WDPCP: variants seen among roughly 807,000 people sequenced by gnomAD.
WDPCP encodes WD repeat-containing and planar cell polarity effector protein fritz homolog.
WDPCP carries 71 observed loss-of-function variants against 93.1 expected under a neutral mutation model. The ratio of observed to expected loss-of-function variants is 0.76; its 90% CI spans 0.63 to 0.93. WDPCP has a LOEUF of 0.93. WDPCP is among the 40% of genes least tolerant of loss of function. WDPCP has a pLI of 0.00. For missense variants in WDPCP, 844 were observed against 887.4 expected, an observed-to-expected ratio of 0.95 and a Z score of 0.62; for synonymous variants, 315 against 315.0, an observed-to-expected ratio of 1.00 and a Z score of 0.00.
chr2:63,721,594 T>C (rs1320798854), intron 2 of WDPCP, among the ~76,000 whole-genome samples: 3 of 152,206 alleles, frequency 2.0e-5, no homozygotes, highest in Non-Finnish European at 4.4e-5. Flanking sequence ...TTCTCCTGGC[T>C]CCAGCTATAA....
intron 10 of WDPCP, among the ~76,000 whole-genome samples, chr2:63,394,683 T>C (rs928284921): frequency 2.6e-5 from 4 of 152,096 alleles, no homozygotes; most frequent in African/African-American, 9.7e-5. Flanking sequence ...GTGGTACATA[T>C]ACACCATGGA....
At chr2:63,177,803 A>G (rs1673932547) in intron 14 of WDPCP, among the ~76,000 whole-genome samples, 1 of 152,152 alleles carries the variant, frequency 6.6e-6, no homozygotes, top group Admixed American at 6.6e-5. Flanking sequence ...TCCTGATCCT[A>G]GAGAAAGGGC....
At chr2:63,359,490 T>C (rs910692058) in intron 12 of WDPCP, among the ~76,000 whole-genome samples, 1 of 152,142 alleles carries the variant, frequency 6.6e-6, no homozygotes, top group African/African-American at 2.4e-5. Flanking sequence ...TCTATTATAA[T>C]AGCTAAAATA....
chr2:63,236,006 A>G (rs1382765210), intron 14 of WDPCP, among the ~76,000 whole-genome samples: 2 of 152,208 alleles, frequency 1.3e-5, no homozygotes, highest in East Asian at 1.9e-4. Flanking sequence ...AGGAGAAGAG[A>G]AAGAAATCAA....
chr2:63,446,687 C>G (rs543319219), intron 6 of WDPCP, among the ~76,000 whole-genome samples: 1 of 152,256 alleles, frequency 6.6e-6, no homozygotes, highest in African/African-American at 2.4e-5. Flanking sequence ...GGAAACCCAC[C>G]CTGTGTGTCT....
intron 2 of WDPCP, among the ~76,000 whole-genome samples, chr2:63,746,369 T>C (rs1669797739): frequency 6.6e-6 from 1 of 152,162 alleles, no homozygotes; most frequent in African/African-American, 2.4e-5. Context: ...AAATTGTTTG[T>C]AGACCATGTG....
chr2:63,168,216 T>C (rs1673131270), intron 15 of WDPCP, among the ~76,000 whole-genome samples: 1 of 152,110 alleles, frequency 6.6e-6, no homozygotes, highest in Admixed American at 6.5e-5. Flanking sequence ...AGGTGACTTC[T>C]ATATTATTTG....
At chr2:63,588,892 T>G (rs745712888), upstream of WDPCP, 532 of 995,490 alleles carry the variant, frequency 5.3e-4, 4 homozygotes, top group Non-Finnish European at 4.7e-4. Context: ...CAGGGCAGCG[T>G]AAACTACAGT....
chr2:63,762,839 G>C (rs368472488), intron 2 of WDPCP, among the ~76,000 whole-genome samples: 1 of 152,024 alleles, frequency 6.6e-6, no homozygotes, highest in South Asian at 2.1e-4. Flanking sequence ...GCCACATTGC[G>C]GATTAAGTTT....
At chr2:63,268,793 A>G (rs1682376923) in intron 13 of WDPCP, among the ~76,000 whole-genome samples, 1 of 152,100 alleles carries the variant, frequency 6.6e-6, no homozygotes, top group South Asian at 2.1e-4. Flanking sequence ...TTCAAAAAAG[A>G]TTTTTAATGT....
At chr2:63,561,278 A>G (rs1706594884) in intron 1 of WDPCP, among the ~76,000 whole-genome samples, 1 of 152,116 alleles carries the variant, frequency 6.6e-6, no homozygotes, top group African/African-American at 2.4e-5. Context: ...GGAGATTGAG[A>G]CCATCCTGGC....
chr2:63,283,571 A>T (rs1683737721), intron 13 of WDPCP, among the ~76,000 whole-genome samples: 1 of 152,050 alleles, frequency 6.6e-6, no homozygotes, highest in South Asian at 2.1e-4. Context: ...GTTGTGACAG[A>T]GACTGTGGCC....
chr2:63,473,285 G>T (rs192182854), intron 6 of WDPCP, among the ~76,000 whole-genome samples: 12 of 152,250 alleles, frequency 7.9e-5, no homozygotes, highest in Admixed American at 6.5e-4. Flanking sequence ...CTGGAGCAGG[G>T]AAAGAGTTGG....
chr2:63,612,524 G>A (rs1242001031), intron 3 of WDPCP, among the ~76,000 whole-genome samples: 1 of 152,160 alleles, frequency 6.6e-6, no homozygotes, highest in African/African-American at 2.4e-5. Context: ...CTCTCCTAGG[G>A]AAGTTTCATG....
intron 1 of WDPCP, among the ~76,000 whole-genome samples, chr2:63,530,549 T>C (rs965314635): frequency 4.6e-5 from 7 of 152,188 alleles, no homozygotes; most frequent in African/African-American, 1.7e-4. Flanking sequence ...GCCCTTTTCA[T>C]GTCACTTTAA....
chr2:63,408,253 C>T (rs967915820), intron 9 of WDPCP, among the ~76,000 whole-genome samples: 4 of 152,180 alleles, frequency 2.6e-5, no homozygotes, highest in African/African-American at 7.2e-5. Flanking sequence ...ACCCCAAATA[C>T]TGTGAGTGCC....
chr2:63,455,805 C>A (rs1335483192), intron 6 of WDPCP, among the ~76,000 whole-genome samples: 1 of 152,110 alleles, frequency 6.6e-6, no homozygotes, highest in Non-Finnish European at 1.5e-5. Flanking sequence ...AAATATTGGA[C>A]TTAAACCAGA....
intron 2 of WDPCP, among the ~76,000 whole-genome samples, chr2:63,802,340 T>G (rs1670710352): frequency 7.5e-6 from 1 of 133,126 alleles, no homozygotes; most frequent in Admixed American, 7.9e-5. Context: ...ATTCTCAGCA[T>G]GCCCTATGGG....
chr2:63,820,085 AT>A (rs1182397571), intron 1 of WDPCP, among the ~76,000 whole-genome samples: 1 of 152,198 alleles, frequency 6.6e-6, no homozygotes, highest in Non-Finnish European at 1.5e-5. Flanking sequence ...AGATAAAAGC[AT>A]GATGTCTGGG....
Sources: allele counts gnomAD v4.1 joint callset (sites outside exome capture counted in the v4.1 genomes callset), GRCh38; gene constraint gnomAD v4.1.1; transcripts MANE v1.5; gene names NCBI Gene and HGNC (gene_info 2026-07-23, HGNC 2026-07-21).